The following STRN variants were observed in gnomAD, a reference collection of about 807,000 sequenced individuals.
The protein encoded by STRN is striatin.
STRN carries 53 observed loss-of-function variants against 96.3 expected under a neutral mutation model. The observed-to-expected ratio is 0.55, with a 90% CI of 0.44 to 0.69. STRN has a LOEUF of 0.69. Among genes scored for constraint, STRN ranks in the 30% least tolerant of loss-of-function variants. The pLI is 0.00. For synonymous variants in STRN, 428 were observed against 355.9 expected (o/e 1.20, Z -2.28); for missense variants, 987 against 963.9 (o/e 1.02, Z -0.32).
At chr2:36,850,952 A>ACT in intron 16 of STRN, 48 bp downstream of exon 16, 1 of 1,239,170 alleles carries the variant, frequency 8.1e-7, no homozygotes, top group Non-Finnish European at 1.1e-6. Flanking sequence ...TGTGGTAGGG[A>ACT]TTTTTTTTTT....
chr2:36,959,637 T>G (rs1664980002), intron 1 of STRN, among the ~76,000 whole-genome samples: 1 of 149,302 alleles, frequency 6.7e-6, no homozygotes, highest in Non-Finnish European at 1.5e-5. Context: ...AATATTCTAC[T>G]GCCTAAAAAT....
chr2:36,868,202 G>A (rs573654137), intron 11 of STRN, among the ~76,000 whole-genome samples: 41 of 152,182 alleles, frequency 2.7e-4, no homozygotes, highest in African/African-American at 8.9e-4. Context: ...CTAACTTTAA[G>A]CAAATTATTT....
intron 7 of STRN, among the ~76,000 whole-genome samples, chr2:36,890,233 T>A (rs1477079265): frequency 6.6e-6 from 1 of 152,148 alleles, no homozygotes; most frequent in Non-Finnish European, 1.5e-5. Context: ...TCTCCTTGGT[T>A]TCCAGACTTG....
At chr2:36,870,370 T>C (rs1407531059) in intron 10 of STRN, among the ~76,000 whole-genome samples, 1 of 152,054 alleles carries the variant, frequency 6.6e-6, no homozygotes, top group Non-Finnish European at 1.5e-5. Context: ...TTATATTTGA[T>C]TTTACACTAG....
intron 1 of STRN, among the ~76,000 whole-genome samples, chr2:36,930,622 C>A (rs1335430532): frequency 1.3e-5 from 2 of 151,994 alleles, no homozygotes; most frequent in African/African-American, 4.8e-5. Flanking sequence ...GATCTGGGAC[C>A]AACCTTGGAG....
rs747479892 is a variant in STRN at position 36,893,997 on chromosome 2, C to T, written c.832G>A (p.Asp278Asn). The change falls in exon 7 of 18, where the codon GAT (aspartate) becomes AAT (asparagine). Residue 278 changes from aspartate (D) to asparagine (N), a missense_variant. Coordinates refer to ENST00000263918, the MANE Select transcript of STRN (RefSeq NM_003162.4). ...TTTAGAGCTTCTTTTGTATCTCGATCTTCACCGCTGTCAGGCAATGCTTTT... is the reference window on the plus strand; with the variant it reads ...TTTAGAGCTTCTTTTGTATCTCGATTTTCACCGCTGTCAGGCAATGCTTTT... ...RKKALPDSGEDRDTKEALKEF... is the reference protein window; with the variant it reads ...RKKALPDSGENRDTKEALKEF... The T allele has an allele frequency of 2.9e-5, 47 of 1,613,346 alleles. 1 individual carries two copies. Among genetic ancestry groups the T allele is most frequent in the Non-Finnish European group, 1.7e-6 (2 of 1,179,836 alleles).
chr2:36,860,048 A>G (rs1052604907), intron 13 of STRN, among the ~76,000 whole-genome samples: 1 of 152,228 alleles, frequency 6.6e-6, no homozygotes, highest in Non-Finnish European at 1.5e-5. Flanking sequence ...AGACGGAAAC[A>G]AGGTCAAGAA....
rs972472721 is a variant in STRN at position 36,921,469 on chromosome 2, C to T, written c.338+3636G>A. On this transcript the variant is annotated intron_variant, in intron 2 of 17. Coordinates refer to ENST00000263918, the MANE Select transcript of STRN (RefSeq NM_003162.4). ...TCCTTTCACTTCACTCACAATAATA[C>T]TGATGATTCCCAAGCATATATTTCT... is the stretch of plus-strand genomic sequence containing the variant. Among the ~76,000 whole-genome samples, 49 of 152,204 alleles carry T rather than the reference C, an allele frequency of 3.2e-4. 1 individual carries two copies. The highest frequency in any genetic ancestry group is 7.3e-5 in the Non-Finnish European group (5 of 68,042).
At chr2:36,927,107 C>T (rs1268871947) in intron 1 of STRN, among the ~76,000 whole-genome samples, 1 of 152,152 alleles carries the variant, frequency 6.6e-6, no homozygotes, top group Non-Finnish European at 1.5e-5. Context: ...TTTTGCATTT[C>T]TGCTAACATC....
At chr2:36,936,336 C>A (rs961405257) in intron 1 of STRN, among the ~76,000 whole-genome samples, 2 of 152,228 alleles carry the variant, frequency 1.3e-5, no homozygotes, top group African/African-American at 4.8e-5. Flanking sequence ...GTTTTATTTT[C>A]TTCTACCACT....
rs1215919118 is a variant in STRN at position 36,838,929 on chromosome 2, A to C, written c.*10527T>G. The stretch of plus-strand genomic sequence containing the variant: ...ACCAAAATATCTTCTCATTAACGTT[A>C]GACTGTATATGTTTACTGATAAATT... On this transcript the variant is annotated 3_prime_UTR_variant, in exon 18 of 18. Coordinates refer to ENST00000263918, the MANE Select transcript of STRN (RefSeq NM_003162.4). Among the ~76,000 whole-genome samples, 1 of 152,192 alleles carries C rather than the reference A, an allele frequency of 6.6e-6. No homozygotes were observed. Among genetic ancestry groups the C allele is most frequent in the South Asian group, 2.1e-4 (1 of 4,834 alleles).
chr2:36,909,590 T>C (rs1177392124), intron 3 of STRN, among the ~76,000 whole-genome samples: 2 of 152,028 alleles, frequency 1.3e-5, no homozygotes, highest in Non-Finnish European at 2.9e-5. Context: ...TTCCAGATCA[T>C]AGCACAGGGA....
In STRN at chr2:36,857,908, T is replaced by A; in HGVS notation, c.1785A>T (p.Leu595Phe). The A allele has an allele frequency of 6.2e-7, 1 of 1,614,144 alleles. No homozygotes were observed. The highest frequency in any genetic ancestry group is 8.5e-7 in the Non-Finnish European group (1 of 1,180,006). Residue 595 changes from leucine to phenylalanine, a missense_variant, in exon 14 of 18, where the codon TTA becomes TTT. Transcript: ENST00000263918. ...CTGGAGCAACCTCAGTTGTATTCCA[T>A]AAACGCAGAGTGCCATCTGCTGAAC... ...LSCSADGTLR[L>F]WNTTEVAPAL...
intron 1 of STRN, among the ~76,000 whole-genome samples, chr2:36,945,664 G>GA (rs1273524605): frequency 6.2e-5 from 9 of 144,270 alleles, no homozygotes; most frequent in Admixed American, 1.4e-4. Flanking sequence ...GACTGTCTCA[G>GA]AAAAAAAAAA....
chr2:36,839,959 T>C lies in STRN; in HGVS notation c.*9497A>G, dbSNP rs1558613838. On this transcript the variant is annotated 3_prime_UTR_variant, in exon 18 of 18. Transcript: ENST00000263918. ...GTCAGAAAACCAAAGACAGAGATGT[T>C]CCTAGGAGAGTTAATAAACATTGGT... is the stretch of plus-strand genomic sequence containing the variant. 1 of 152,168 alleles carries C rather than the reference T, an allele frequency of 6.6e-6. No individual in the cohort carries two copies. Among genetic ancestry groups the C allele is most frequent in the South Asian group, 2.1e-4 (1 of 4,826 alleles). 9.4% of individuals were successfully genotyped at this position (152,168 alleles called of 1,614,324 possible).
rs781171878 is a variant in STRN, at chr2:36,853,075, T to C, written c.1979-1968A>G. On this transcript the variant is annotated intron_variant, in intron 15 of 17. Coordinates refer to ENST00000263918, the MANE Select transcript of STRN (RefSeq NM_003162.4). ...GGGAGGCTGAGGCAGGAGAATCGCT[T>C]GAGCCCAGGAGGTGGAGGTTGCAGT... Among the ~76,000 whole-genome samples the C allele has an allele frequency of 4.6e-5, 7 of 152,230 alleles. 1 individual carries two copies. Among genetic ancestry groups the C allele is most frequent in the Admixed American group, 2.6e-4 (4 of 15,288 alleles).
rs1665169250 is a variant in STRN, at chr2:36,966,483, G to C, written c.-20C>G. Reference sequence around the variant, plus strand: ...GTCCATGGCGGCCGCAGATACCCGGGGAGCTGCCCCGGCGCCCAGCAGCGG... The same window carrying C: ...GTCCATGGCGGCCGCAGATACCCGGCGAGCTGCCCCGGCGCCCAGCAGCGG... On this transcript the variant is annotated 5_prime_UTR_variant, in exon 1 of 18. Coordinates refer to ENST00000263918, the MANE Select transcript of STRN (RefSeq NM_003162.4). 2.1e-6 allele frequency: 3 copies of C among 1,416,150 alleles called. No homozygotes were observed. Among genetic ancestry groups the C allele is most frequent in the Non-Finnish European group, 2.8e-6 (3 of 1,089,170 alleles). The allele number at this position is 1,416,150 out of a possible 1,614,324, so 87.7% of individuals were successfully genotyped here.
intron 2 of STRN, among the ~76,000 whole-genome samples, chr2:36,920,271 T>C (rs1331974783): frequency 4.6e-5 from 7 of 152,216 alleles, no homozygotes; most frequent in Middle Eastern, 3.2e-3. Context: ...AAATGCTTTT[T>C]AAAAATGTCT....
intron 16 of STRN, among the ~76,000 whole-genome samples, chr2:36,850,580 A>G (rs1668193671): frequency 6.6e-6 from 1 of 152,256 alleles, no homozygotes; most frequent in African/African-American, 2.4e-5. Flanking sequence ...ATAATTGAAT[A>G]TTGAATAATG....
Sources: gnomAD v4.1 joint callset for allele counts (sites outside exome capture counted in the v4.1 genomes callset) on GRCh38, gnomAD v4.1.1 for gene constraint, MANE v1.5 for transcripts, NCBI Gene and HGNC (gene_info 2026-07-23, HGNC 2026-07-21) for gene names.